TCF4: variants seen among roughly 807,000 people sequenced by gnomAD.
TCF4 encodes transcription factor 4, also known as SL3-3 enhancer factor 2.
Under a neutral mutation model 82.1 loss-of-function variants are expected in TCF4, and 3 were observed. That is an observed-to-expected ratio of 0.04 (90% CI 0.02 to 0.09). TCF4 has a LOEUF of 0.09. TCF4 is among the 10% of genes least tolerant of loss of function. The pLI, the probability that TCF4 is intolerant of heterozygous loss-of-function variation, is 1.00. For missense variants in TCF4, 518 were observed against 852.7 expected (o/e 0.61, Z 4.89); for synonymous variants, 276 against 309.6 (o/e 0.89, Z 1.14).
At chr18:55,237,943 T>C (rs1464089198) in intron 15 of TCF4, among the ~76,000 whole-genome samples, 6 of 152,180 alleles carry the variant, frequency 3.9e-5, no homozygotes, top group Admixed American at 2.6e-4. Flanking sequence ...AACACAGAAA[T>C]AGATGGAGAA....
At chr18:55,351,489 G>C (rs996299788) in intron 6 of TCF4, among the ~76,000 whole-genome samples, 1 of 151,864 alleles carries the variant, frequency 6.6e-6, no homozygotes, top group Non-Finnish European at 1.5e-5. Context: ...GATTCTCCAC[G>C]AACTGACATA....
At chr18:55,237,275 T>C (rs1352567135) in intron 15 of TCF4, among the ~76,000 whole-genome samples, 1 of 152,168 alleles carries the variant, frequency 6.6e-6, no homozygotes, top group Non-Finnish European at 1.5e-5. Context: ...CATTTAATTT[T>C]AAATCTTTCC....
In TCF4 at chr18:55,461,131, C is replaced by A. The variant is rs1162459174; in HGVS notation, c.208-16G>T. ...CTCCATAGTTCTGTAAATAAAATGA[C>A]AGTGTAAGTTATTATTTTATATTAA... On this transcript the variant is annotated splice_polypyrimidine_tract_variant and intron_variant, in intron 4 of 19. Transcript: ENST00000354452. 1 of 1,591,994 alleles carries A rather than the reference C, an allele frequency of 6.3e-7. No individual in the cohort carries two copies. Among genetic ancestry groups the A allele is most frequent in the Admixed American group, 1.7e-5 (1 of 59,666 alleles).
chr18:55,463,695 A>G (rs1170918401), intron 4 of TCF4, among the ~76,000 whole-genome samples: 1 of 152,180 alleles, frequency 6.6e-6, no homozygotes, highest in Non-Finnish European at 1.5e-5. Context: ...TAGGGATATT[A>G]GGAATTTTTT....
At chr18:55,445,317 C>T (rs1271307618) in intron 5 of TCF4, among the ~76,000 whole-genome samples, 1 of 151,822 alleles carries the variant, frequency 6.6e-6, no homozygotes, top group Admixed American at 6.6e-5. Flanking sequence ...GGAGATGGTA[C>T]AATTTATAGA....
At chr18:55,372,258 A>T (rs547342960) in intron 6 of TCF4, among the ~76,000 whole-genome samples, 182 of 152,280 alleles carry the variant, frequency 1.2e-3, no homozygotes, top group Middle Eastern at 6.8e-3. Flanking sequence ...ATTCTTAAAG[A>T]TAAAAGTAGA....
chr18:55,511,081 G>A (rs545170041), intron 3 of TCF4, among the ~76,000 whole-genome samples: 26 of 152,114 alleles, frequency 1.7e-4, no homozygotes, highest in African/African-American at 5.8e-4. Context: ...GCAAACTGTC[G>A]TCATTTCTTT....
chr18:55,304,710 T>C (rs533267826), intron 8 of TCF4, among the ~76,000 whole-genome samples: 3 of 152,240 alleles, frequency 2.0e-5, no homozygotes, highest in Non-Finnish European at 4.4e-5. Context: ...GGAATATTCA[T>C]GCAAGCACCT....
At chr18:55,505,015 CAAT>C (rs2096738275) in intron 3 of TCF4, among the ~76,000 whole-genome samples, 1 of 152,146 alleles carries the variant, frequency 6.6e-6, no homozygotes, top group African/African-American at 2.4e-5. Flanking sequence ...TTACCTACAG[CAAT>C]AAAACTGTCC....
chr18:55,609,794 T>C (rs1176489110), intron 2 of TCF4, among the ~76,000 whole-genome samples: 3 of 152,086 alleles, frequency 2.0e-5, no homozygotes, highest in Admixed American at 1.3e-4. Flanking sequence ...GTGCACTTTT[T>C]CCCTAAATAT....
intron 5 of TCF4, among the ~76,000 whole-genome samples, chr18:55,433,691 A>G (rs2095259651): frequency 6.6e-6 from 1 of 152,262 alleles, no homozygotes; most frequent in African/African-American, 2.4e-5. Flanking sequence ...TCTATGCAAG[A>G]GGCGGCACAC....
intron 8 of TCF4, among the ~76,000 whole-genome samples, chr18:55,301,827 G>A (rs567155166): frequency 5.6e-5 from 8 of 144,130 alleles, no homozygotes; most frequent in Admixed American, 2.1e-4. Context: ...GGGGGGATTC[G>A]GGTGGGGGAG....
intron 6 of TCF4, chr18:55,351,936 A>C: frequency 2.5e-6 from 2 of 809,906 alleles, no homozygotes; most frequent in Non-Finnish European, 3.0e-6. Flanking sequence ...TTTTAAAATT[A>C]AGTACTAAAA....
intron 17 of TCF4, chr18:55,232,276 C>T: frequency 2.0e-6 from 1 of 493,782 alleles, no homozygotes; most frequent in Non-Finnish European, 3.6e-6. Flanking sequence ...AATTTTTTCA[C>T]TGTGTGTCAT....
At chr18:55,244,118 C>T (rs1436441412) in intron 15 of TCF4, among the ~76,000 whole-genome samples, 1 of 152,128 alleles carries the variant, frequency 6.6e-6, no homozygotes, top group African/African-American at 2.4e-5. Flanking sequence ...CCTCCAGCTC[C>T]CAGGGGAGGA....
intron 2 of TCF4, among the ~76,000 whole-genome samples, chr18:55,621,783 ATATATTATATATTATATGT>A (rs1458901931): frequency 1.1e-5 from 1 of 89,060 alleles, no homozygotes; most frequent in Admixed American, 2.0e-4. Flanking sequence ...ATAATATAAT[ATATATTATATATTATATGT>A]TATATTATAT....
intron 8 of TCF4, among the ~76,000 whole-genome samples, chr18:55,310,187 G>T (rs1039190371): frequency 3.9e-5 from 6 of 152,140 alleles, no homozygotes; most frequent in Admixed American, 2.0e-4. Context: ...GTACCAAGCT[G>T]GACAGGGAAA....
intron 8 of TCF4, among the ~76,000 whole-genome samples, chr18:55,292,759 T>C (rs538842207): frequency 1.3e-5 from 2 of 152,210 alleles, no homozygotes; most frequent in East Asian, 1.9e-4. Context: ...TATACATATA[T>C]ACGTATATAT....
At chr18:55,332,476 A>G (rs930197206) in intron 8 of TCF4, among the ~76,000 whole-genome samples, 10 of 152,226 alleles carry the variant, frequency 6.6e-5, no homozygotes, top group African/African-American at 2.2e-4. Context: ...TGATTACATA[A>G]TTTAGGATGC....
Sources: gnomAD v4.1 joint callset for allele counts (sites outside exome capture counted in the v4.1 genomes callset) on GRCh38, gnomAD v4.1.1 for gene constraint, MANE v1.5 for transcripts, NCBI Gene and HGNC (gene_info 2026-07-23, HGNC 2026-07-21) for gene names.